Variants in GABRG3 observed in about 807,000 individuals in gnomAD.
GABRG3 encodes gamma-aminobutyric acid type A receptor subunit gamma3.
In GABRG3, 25 loss-of-function variants were observed where a neutral mutation model predicts 48.8. The observed-to-expected ratio is 0.51, with a 90% CI of 0.37 to 0.72. GABRG3 has a LOEUF of 0.72. GABRG3 is among the 30% of genes least tolerant of loss of function. GABRG3 has a pLI of 0.00. For synonymous variants in GABRG3, 227 were observed against 217.6 expected (o/e 1.04, Z -0.38); for missense variants, 394 against 577.9 (o/e 0.68, Z 3.26).
At chr15:27,105,777 C>T (rs1160449322) in intron 3 of GABRG3, among the ~76,000 whole-genome samples, 2 of 152,060 alleles carry the variant, frequency 1.3e-5, no homozygotes, top group Admixed American at 6.6e-5. Flanking sequence ...TATATGACCT[C>T]TCTTCTGGGA....
At chr15:27,222,845 G>A (rs1214093116) in intron 3 of GABRG3, among the ~76,000 whole-genome samples, 2 of 152,160 alleles carry the variant, frequency 1.3e-5, no homozygotes, top group Admixed American at 6.5e-5. Context: ...GGTTCCCCAC[G>A]GCCCTGGAAC....
At chr15:26,988,714 C>T (rs560882233) in intron 2 of GABRG3, among the ~76,000 whole-genome samples, 6 of 151,678 alleles carry the variant, frequency 4.0e-5, no homozygotes, top group African/African-American at 1.2e-4. Flanking sequence ...TGCTCCTTTC[C>T]CCTCTTTTTA....
At position 27,066,255 on chromosome 15, in the gene GABRG3, A is replaced by G. The variant is rs543203279; in HGVS notation, c.270+39434A>G. Among the ~76,000 whole-genome samples the G allele has an allele frequency of 7.2e-5, 11 of 152,348 alleles. No homozygotes were observed. The South Asian group carries it at 2.1e-3, about 29-fold the overall frequency. Reference sequence around the variant, plus strand: ...AAACCTCACTCAATACTAACAGTGTATCTTTTAAGCATCAAAGTCATCACC... The same window carrying G: ...AAACCTCACTCAATACTAACAGTGTGTCTTTTAAGCATCAAAGTCATCACC... On this transcript the variant is annotated intron_variant, in intron 3 of 9. Coordinates refer to ENST00000615808, the MANE Select transcript of GABRG3 (RefSeq NM_033223.5).
chr15:27,253,624 A>G (rs906078605), intron 3 of GABRG3, among the ~76,000 whole-genome samples: 3 of 152,228 alleles, frequency 2.0e-5, no homozygotes, highest in Admixed American at 2.0e-4. Flanking sequence ...AGCTGGACAC[A>G]GGGGCAGAGC....
At chr15:27,448,920 T>G (rs1595761264) in intron 5 of GABRG3, among the ~76,000 whole-genome samples, 1 of 152,168 alleles carries the variant, frequency 6.6e-6, no homozygotes, top group East Asian at 1.9e-4. Context: ...TCTTTCACAG[T>G]TCTTTCAGGC....
At chr15:27,326,640 T>C (rs903371144) in intron 3 of GABRG3, among the ~76,000 whole-genome samples, 169 bp from the exon 4 acceptor site, 5 of 152,226 alleles carry the variant, frequency 3.3e-5, no homozygotes, top group Non-Finnish European at 5.9e-5. Context: ...CAAATAATAT[T>C]GGTCATCATT....
At chr15:27,443,005 G>T (rs1050032940) in intron 5 of GABRG3, among the ~76,000 whole-genome samples, 1 of 152,134 alleles carries the variant, frequency 6.6e-6, no homozygotes, top group Admixed American at 6.5e-5. Context: ...GTCGGTTATG[G>T]GCTGCAATGC....
intron 2 of GABRG3, among the ~76,000 whole-genome samples, chr15:27,020,634 G>A (rs568155052): frequency 1.3e-5 from 2 of 152,004 alleles, no homozygotes; most frequent in South Asian, 4.2e-4. Flanking sequence ...AGCCAGGATG[G>A]TCTCGATCTC....
At chr15:27,427,182 T>A (rs550618129) in intron 5 of GABRG3, among the ~76,000 whole-genome samples, 2 of 152,342 alleles carry the variant, frequency 1.3e-5, no homozygotes, top group South Asian at 2.1e-4. Context: ...TAATTGAGTT[T>A]TAATCCTTTA....
At chr15:27,380,695 A>C (rs1158241096) in intron 5 of GABRG3, among the ~76,000 whole-genome samples, 1 of 150,112 alleles carries the variant, frequency 6.7e-6, no homozygotes, top group Non-Finnish European at 1.5e-5. Context: ...AATTCCTTCC[A>C]TCATATCCCC....
Position 27,352,249 on chromosome 15 carries a change from T to C in GABRG3, c.574+23361T>C, listed in dbSNP as rs1894645327. 6.6e-6 allele frequency among the ~76,000 whole-genome samples: 1 copy of C among 151,878 alleles called. No individual in the cohort carries two copies. Among genetic ancestry groups the C allele is most frequent in the African/African-American group, 2.4e-5 (1 of 41,276 alleles). ...TAGGGATTCTGCCAGACCGTTCAGC[T>C]AATCTCCGTCTCGCGCTCACTGTTC... is the stretch of plus-strand genomic sequence containing the variant. On this transcript the variant is annotated intron_variant, in intron 5 of 9. Coordinates refer to ENST00000615808, the MANE Select transcript of GABRG3 (RefSeq NM_033223.5). The surrounding 1 kb of genome is among the most constrained non-coding windows in gnomAD (Gnocchi z 4.0).
At chr15:27,221,680 A>G (rs951904543) in intron 3 of GABRG3, among the ~76,000 whole-genome samples, 2 of 152,138 alleles carry the variant, frequency 1.3e-5, no homozygotes, top group African/African-American at 2.4e-5. Flanking sequence ...ACAACCAAGT[A>G]GCTGTTTTCT....
intron 3 of GABRG3, among the ~76,000 whole-genome samples, chr15:27,043,739 C>G (rs528792774): frequency 4.6e-5 from 7 of 152,322 alleles, no homozygotes; most frequent in Admixed American, 3.3e-4. Context: ...CGAAGTACCC[C>G]AATGCTTTGT....
chr15:27,070,545 T>A (rs1896810696), intron 3 of GABRG3, among the ~76,000 whole-genome samples: 1 of 152,236 alleles, frequency 6.6e-6, no homozygotes, highest in African/African-American at 2.4e-5. Context: ...ATTATGCTTG[T>A]CACCAACATT....
intron 5 of GABRG3, among the ~76,000 whole-genome samples, chr15:27,391,503 C>T (rs1466657502): frequency 6.6e-6 from 1 of 151,978 alleles, no homozygotes. Flanking sequence ...GTTAGAATAC[C>T]TACTTACTAG....
At chr15:27,474,993 G>A (rs1263058345) in intron 5 of GABRG3, among the ~76,000 whole-genome samples, 1 of 152,044 alleles carries the variant, frequency 6.6e-6, no homozygotes, top group African/African-American at 2.4e-5. Flanking sequence ...AGCTGGGCAT[G>A]GTGGCAGGCA....
At chr15:27,500,823 G>A (rs1025583129) in intron 6 of GABRG3, among the ~76,000 whole-genome samples, 5 of 144,000 alleles carry the variant, frequency 3.5e-5, no homozygotes, top group South Asian at 2.2e-4. Flanking sequence ...ACCTGCAGGT[G>A]TAATTTGTAT....
At chr15:27,228,941 T>G (rs1477284714) in intron 3 of GABRG3, among the ~76,000 whole-genome samples, 1 of 152,242 alleles carries the variant, frequency 6.6e-6, no homozygotes. Flanking sequence ...TTTTATTAAG[T>G]TCCTTATAGA....
chr15:27,286,752 AGGAGTACCTT>A (rs1479624610), intron 3 of GABRG3, among the ~76,000 whole-genome samples: 1 of 152,222 alleles, frequency 6.6e-6, no homozygotes. Flanking sequence ...TAGAAATATA[AGGAGTACCTT>A]GGTGAAGAAC....
Sources: allele counts gnomAD v4.1 joint callset (sites outside exome capture counted in the v4.1 genomes callset), GRCh38; gene constraint gnomAD v4.1.1; non-coding constraint Gnocchi (gnomAD v3.1); transcripts MANE v1.5; gene names NCBI Gene and HGNC (gene_info 2026-07-23, HGNC 2026-07-21).